Variants in TMEM17 observed in about 807,000 individuals in gnomAD.
TMEM17 encodes transmembrane protein 17.
In TMEM17, 15 loss-of-function variants were observed where a neutral mutation model predicts 19.1. The observed-to-expected ratio is 0.78, with a 90% CI of 0.52 to 1.21. The LOEUF is 1.21. Among genes scored for constraint, TMEM17 ranks in the 50% most tolerant of loss-of-function variants. TMEM17 has a pLI of 0.00. For synonymous variants in TMEM17, 103 were observed against 86.9 expected (o/e 1.19, Z -1.03); for missense variants, 245 against 242.3 (o/e 1.01, Z -0.07).
chr2:62,462,718 G>A, the TMEM17 span, among the ~76,000 whole-genome samples: 1 of 152,158 alleles, frequency 6.6e-6, no homozygotes, highest in Non-Finnish European at 1.5e-5. Flanking sequence ...ACCCTACTTT[G>A]CACTTGAGGG....
At chr2:62,461,856 T>A in the TMEM17 span, among the ~76,000 whole-genome samples, 1,732 of 152,344 alleles carry the variant, frequency 0.011, 34 homozygotes, top group African/African-American at 0.04. Flanking sequence ...CGAGCTGGGC[T>A]GAGAGCCCAG....
chr2:62,498,277 C>A (rs1175289060), downstream of TMEM17, among the ~76,000 whole-genome samples: 1 of 151,912 alleles, frequency 6.6e-6, no homozygotes, highest in Admixed American at 6.6e-5. Flanking sequence ...ATCCCCGCTA[C>A]TCTGGATGCT....
rs1393162416 is a variant in TMEM17 at position 62,506,123 on chromosome 2, G to T, written c.7C>A (p.Leu3Met). 6.2e-7 allele frequency: 1 copy of T among 1,608,842 alleles called. No individual in the cohort carries two copies. Among genetic ancestry groups the T allele is most frequent in the African/African-American group, 1.3e-5 (1 of 74,548 alleles). Residue 3 changes from leucine to methionine, a missense_variant, in exon 1 of 4, where the codon CTG becomes ATG. Leu to Met is a conservative substitution (Grantham distance 15). Coordinates refer to ENST00000335390, the MANE Select transcript of TMEM17 (RefSeq NM_198276.3). The stretch of plus-strand genomic sequence containing the variant: ...AGCCGCTGGCGCACCGGATCCGGCA[G>T]CTCCATGCCTGGGCCTCAGTATCCC... ME[L>M]PDPVRQRLGN...
the TMEM17 span, among the ~76,000 whole-genome samples, chr2:62,473,025 C>T: frequency 6.6e-6 from 1 of 152,258 alleles, no homozygotes; most frequent in East Asian, 1.9e-4. Flanking sequence ...GCAATAAGAA[C>T]CAAACTCAGA....
the TMEM17 span, among the ~76,000 whole-genome samples, chr2:62,473,285 C>G: frequency 6.6e-6 from 1 of 152,146 alleles, no homozygotes; most frequent in Non-Finnish European, 1.5e-5. Flanking sequence ...AGGACCCAAC[C>G]ACACCGCCAA....
the TMEM17 span, among the ~76,000 whole-genome samples, chr2:62,470,369 A>G: frequency 3.3e-5 from 5 of 152,336 alleles, no homozygotes; most frequent in South Asian, 1.0e-3. Context: ...GAATCCCGAA[A>G]TCTACATGTT....
intron 1 of TMEM17, among the ~76,000 whole-genome samples, chr2:62,505,173 G>A (rs752234391): frequency 5.9e-5 from 9 of 152,132 alleles, no homozygotes; most frequent in East Asian, 1.9e-4. Flanking sequence ...CCAAGCAGAG[G>A]AAAAGATTGA....
the TMEM17 span, among the ~76,000 whole-genome samples, chr2:62,462,273 C>CAA: frequency 6.6e-6 from 1 of 152,260 alleles, no homozygotes; most frequent in African/African-American, 2.4e-5. Context: ...CTCCCTGCAT[C>CAA]AAAAAGTAAG....
chr2:62,483,219 C>G, the TMEM17 span, among the ~76,000 whole-genome samples: 6 of 152,196 alleles, frequency 3.9e-5, no homozygotes. Context: ...TCTGGGCTTA[C>G]AGCAGGCTCT....
chr2:62,466,729 C>T, the TMEM17 span, among the ~76,000 whole-genome samples: 5 of 152,170 alleles, frequency 3.3e-5, no homozygotes, highest in African/African-American at 1.2e-4. Flanking sequence ...GGGCTTTGCG[C>T]TGACCCCGCC....
downstream of TMEM17, among the ~76,000 whole-genome samples, chr2:62,499,685 G>A (rs535096527): frequency 6.6e-6 from 1 of 152,254 alleles, no homozygotes; most frequent in Admixed American, 6.5e-5. Context: ...GGAATCCTAA[G>A]ATAAGCATGA....
chr2:62,455,293 G>T, the TMEM17 span, among the ~76,000 whole-genome samples: 1 of 152,184 alleles, frequency 6.6e-6, no homozygotes, highest in Non-Finnish European at 1.5e-5. Flanking sequence ...TAGCATAACA[G>T]TAATCTGTTC....
the TMEM17 span, among the ~76,000 whole-genome samples, chr2:62,481,422 T>C: frequency 6.6e-6 from 1 of 152,070 alleles, no homozygotes; most frequent in African/African-American, 2.4e-5. Flanking sequence ...CCCTTTATTA[T>C]TTTTTTTCTC....
chr2:62,477,953 G>A, the TMEM17 span, among the ~76,000 whole-genome samples: 1 of 152,132 alleles, frequency 6.6e-6, no homozygotes, highest in Admixed American at 6.5e-5. Context: ...CTTTCTGCGG[G>A]GCTCCCCTGC....
rs1307015744 is a variant in TMEM17 at position 62,500,943 on chromosome 2, T to G, written c.*266A>C. 3.2e-6 allele frequency: 1 copy of G among 311,884 alleles called. No homozygotes were observed. Among genetic ancestry groups the G allele is most frequent in the Non-Finnish European group, 5.9e-6 (1 of 170,894 alleles). The allele number at this position is 311,884 out of a possible 1,614,324, so 19.3% of individuals were successfully genotyped here. ...CTGGCAAATGACAACCACCAATACA[T>G]AGATTTCTACACTCCTGAAAAAGAC... On this transcript the variant is annotated 3_prime_UTR_variant, in exon 4 of 4. Coordinates refer to ENST00000335390, the MANE Select transcript of TMEM17 (RefSeq NM_198276.3).
the TMEM17 span, among the ~76,000 whole-genome samples, chr2:62,482,284 T>C: frequency 1.3e-5 from 2 of 152,198 alleles, no homozygotes; most frequent in African/African-American, 2.4e-5. Context: ...AACAAAATAA[T>C]AGTAAATTAT....
intron 1 of TMEM17, among the ~76,000 whole-genome samples, chr2:62,503,309 T>C (rs924317852): frequency 1.1e-4 from 16 of 152,228 alleles, no homozygotes; most frequent in African/African-American, 3.6e-4. Flanking sequence ...ATCTTTTCCA[T>C]CAATACTTCC....
At chr2:62,503,594 G>T (rs1333601884) in intron 1 of TMEM17, among the ~76,000 whole-genome samples, 1 of 152,244 alleles carries the variant, frequency 6.6e-6, no homozygotes, top group Non-Finnish European at 1.5e-5. Flanking sequence ...CTCACAGGCT[G>T]TTTGTGAGAA....
chr2:62,464,451 T>C, the TMEM17 span, among the ~76,000 whole-genome samples: 2 of 152,218 alleles, frequency 1.3e-5, no homozygotes, highest in African/African-American at 4.8e-5. Flanking sequence ...AAGGCACCCC[T>C]GTCACGAGTC....
Sources: allele counts gnomAD v4.1 joint callset (sites outside exome capture counted in the v4.1 genomes callset), GRCh38; gene constraint gnomAD v4.1.1; transcripts MANE v1.5; gene names NCBI Gene and HGNC (gene_info 2026-07-23, HGNC 2026-07-21).